UTRN: variants seen among roughly 807,000 people sequenced by gnomAD.
The protein encoded by UTRN is dystrophin-related protein 1.
A neutral mutation model predicts 463.9 loss-of-function variants in UTRN; 283 were observed. The ratio of observed to expected loss-of-function variants is 0.61; its 90% CI spans 0.55 to 0.67. The LOEUF is 0.67. Among genes scored for constraint, UTRN ranks in the 30% least tolerant of loss-of-function variants. The pLI, the probability that UTRN is intolerant of heterozygous loss-of-function variation, is 0.00. For missense variants in UTRN, 3,922 were observed against 4,084.3 expected (o/e 0.96, Z 1.08); for synonymous variants, 1,442 against 1,431.5 (o/e 1.01, Z -0.17).
chr6:144,589,736 C>T (rs1240170786), intron 51 of UTRN, among the ~76,000 whole-genome samples: 1 of 152,030 alleles, frequency 6.6e-6, no homozygotes, highest in Non-Finnish European at 1.5e-5. Flanking sequence ...ATTCCATGTT[C>T]CTTTAAAACA....
chr6:144,768,028 A>G (rs1274036277), intron 58 of UTRN, among the ~76,000 whole-genome samples: 1 of 152,200 alleles, frequency 6.6e-6, no homozygotes, highest in Non-Finnish European at 1.5e-5. Context: ...GACCACTCTA[A>G]TGAGGACAAA....
intron 2 of UTRN, among the ~76,000 whole-genome samples, chr6:144,325,186 C>A (rs938730667): frequency 6.6e-6 from 1 of 151,884 alleles, no homozygotes; most frequent in African/African-American, 2.4e-5. Context: ...AAGTGTCCCC[C>A]GAATTTCATG....
At chr6:144,771,865 T>C (rs1794064073) in intron 58 of UTRN, 42 bp from the exon 59 acceptor site, 1 of 1,532,522 alleles carries the variant, frequency 6.5e-7, no homozygotes, top group Non-Finnish European at 8.8e-7. Flanking sequence ...TGAAGTTTTT[T>C]GATTTTTTGT....
intron 25 of UTRN, among the ~76,000 whole-genome samples, chr6:144,475,039 A>ACCAC (rs1251446575): frequency 6.6e-6 from 1 of 152,194 alleles, no homozygotes; most frequent in African/African-American, 2.4e-5. Context: ...TTTGAGTGGG[A>ACCAC]CCATTTATTT....
chr6:144,336,148 G>A (rs182759954), intron 2 of UTRN, among the ~76,000 whole-genome samples: 134 of 152,324 alleles, frequency 8.8e-4, no homozygotes, highest in Non-Finnish European at 1.5e-3. Context: ...GATCAGGGCT[G>A]AGATGCCTAC....
chr6:144,368,689 G>A (rs1779720254), intron 2 of UTRN, among the ~76,000 whole-genome samples: 3 of 151,994 alleles, frequency 2.0e-5, no homozygotes, highest in Non-Finnish European at 2.9e-5. Context: ...CAGGAGAGTC[G>A]CTTGAACCTG....
chr6:144,684,620 C>T (rs1782560439), intron 52 of UTRN, among the ~76,000 whole-genome samples: 1 of 152,098 alleles, frequency 6.6e-6, no homozygotes, highest in African/African-American at 2.4e-5. Context: ...TTCGACCTGG[C>T]CATGTGCATC....
In UTRN at chr6:144,683,198, C is replaced by G. The variant is rs530084892; in HGVS notation, c.7652+4620C>G. The stretch of plus-strand genomic sequence containing the variant: ...AGAATGAGGCAGAATCACCAGCAGT[C>G]ACTGGGCAAGGTGGCTTCCCAAGTG... On this transcript the variant is annotated intron_variant, in intron 52 of 74. Coordinates refer to ENST00000367545, the MANE Select transcript of UTRN (RefSeq NM_007124.3). 2.6e-5 allele frequency among the ~76,000 whole-genome samples: 4 copies of G among 152,288 alleles called. No homozygotes were observed. The East Asian group carries it at 7.7e-4, about 29-fold the overall frequency.
intron 51 of UTRN, among the ~76,000 whole-genome samples, chr6:144,674,294 T>G (rs1366713395): frequency 6.6e-6 from 1 of 152,002 alleles, no homozygotes; most frequent in Non-Finnish European, 1.5e-5. Context: ...ATTCTTAGAT[T>G]TGGTTGTTTA....
intron 43 of UTRN, among the ~76,000 whole-genome samples, chr6:144,533,738 ATAGTAT>A (rs1238050912): frequency 6.6e-6 from 1 of 150,912 alleles, no homozygotes; most frequent in Admixed American, 6.6e-5. Context: ...ATAATATAAT[ATAGTAT>A]TATTAATTTT....
intron 2 of UTRN, among the ~76,000 whole-genome samples, chr6:144,331,637 T>C (rs1776338755): frequency 6.6e-6 from 1 of 152,206 alleles, no homozygotes; most frequent in Non-Finnish European, 1.5e-5. Flanking sequence ...TGGTGCCAAG[T>C]TACGTGATAG....
intron 51 of UTRN, among the ~76,000 whole-genome samples, chr6:144,656,986 T>TAA (rs1308073559): frequency 3.9e-5 from 6 of 152,138 alleles, no homozygotes; most frequent in African/African-American, 1.4e-4. Flanking sequence ...TGTAGTGGCT[T>TAA]ACGCCTGTAA....
At chr6:144,692,971 T>C (rs1783588675) in intron 52 of UTRN, among the ~76,000 whole-genome samples, 1 of 152,078 alleles carries the variant, frequency 6.6e-6, no homozygotes, top group African/African-American at 2.4e-5. Flanking sequence ...CATTCCTATG[T>C]GTAGAATGGT....
chr6:144,537,650 C>T lies in UTRN; in HGVS notation c.6302C>T (p.Thr2101Ile). 1 of 1,612,438 alleles carries T rather than the reference C, an allele frequency of 6.2e-7. No individual in the cohort carries two copies. Among genetic ancestry groups the T allele is most frequent in the South Asian group, 1.1e-5 (1 of 90,834 alleles). ...CTAGATGAGATTATCTGTTGGTTAA[C>T]AAAGGCTGAGCATGCTATGCAAAAG... ...HQLDEIICWL[T>I]KAEHAMQKRS... is the part of the protein sequence containing the mutation. The change falls in exon 44 of 75, where the codon ACA becomes ATA. Residue 2101 changes from threonine to isoleucine, a missense_variant. Thr to Ile is a moderately conservative substitution (Grantham distance 89, BLOSUM62 -1). This residue lies in a region of UTRN where 2,349 missense variants were observed against 2,303.8 expected (regional missense o/e 1.02). Coordinates refer to ENST00000367545, the MANE Select transcript of UTRN (RefSeq NM_007124.3).
chr6:144,786,973 G>A (rs994273069), intron 61 of UTRN, among the ~76,000 whole-genome samples: 3 of 152,164 alleles, frequency 2.0e-5, no homozygotes, highest in African/African-American at 4.8e-5. Flanking sequence ...TTTGTAACTG[G>A]TGATGGTGTG....
intron 13 of UTRN, among the ~76,000 whole-genome samples, chr6:144,442,001 C>G (rs959916188): frequency 1.3e-5 from 2 of 152,094 alleles, no homozygotes; most frequent in African/African-American, 4.8e-5. Context: ...CTGAGCCCAG[C>G]CCACAAAACC....
intron 66 of UTRN, 139 bp downstream of exon 66, chr6:144,821,157 C>A: frequency 1.8e-6 from 2 of 1,108,112 alleles, no homozygotes; most frequent in Non-Finnish European, 2.4e-6. Context: ...TCAGTCTTCA[C>A]AACATGAATT....
intron 66 of UTRN, among the ~76,000 whole-genome samples, chr6:144,821,515 T>C (rs983683024): frequency 6.6e-6 from 1 of 151,676 alleles, no homozygotes; most frequent in Non-Finnish European, 1.5e-5. Flanking sequence ...TCTAATCTAT[T>C]TTTTATTGAA....
At chr6:144,430,902 G>T (rs554949915) in intron 9 of UTRN, among the ~76,000 whole-genome samples, 1 of 151,108 alleles carries the variant, frequency 6.6e-6, no homozygotes, top group Non-Finnish European at 1.5e-5. Context: ...TATTTCCCCC[G>T]TTTCAAAAAT....
Sources: gnomAD v4.1 joint callset for allele counts (sites outside exome capture counted in the v4.1 genomes callset) on GRCh38, gnomAD v4.1.1 for gene constraint, gnomAD v4.1.1 regional missense constraint, MANE v1.5 for transcripts, NCBI Gene and HGNC (gene_info 2026-07-23, HGNC 2026-07-21) for gene names.